Variants in PDS5A observed in about 807,000 individuals in gnomAD.
PDS5A encodes sister chromatid cohesion protein PDS5 homolog A.
In PDS5A, 42 loss-of-function variants were observed where a neutral mutation model predicts 167.1. The observed-to-expected ratio is 0.25, with a 90% confidence interval of 0.20 to 0.33. PDS5A has a LOEUF of 0.33. Ranked by LOEUF, PDS5A falls within the 10% of genes least tolerant of loss-of-function variation. PDS5A has a pLI of 1.00. For missense variants in PDS5A, 1,033 were observed against 1,605.9 expected (o/e 0.64, Z 6.10); for synonymous variants, 553 against 554.6 (o/e 1.00, Z 0.04).
intron 16 of PDS5A, among the ~76,000 whole-genome samples, chr4:39,895,317 A>C (rs1722308482): frequency 6.6e-6 from 1 of 152,216 alleles, no homozygotes; most frequent in Non-Finnish European, 1.5e-5. Context: ...ATGCTACAAA[A>C]TTGTACAGCA....
At chr4:39,858,667 A>G (rs1283447232) in intron 26 of PDS5A, among the ~76,000 whole-genome samples, 1 of 152,188 alleles carries the variant, frequency 6.6e-6, no homozygotes, top group Non-Finnish European at 1.5e-5. Context: ...CTTATTGCCC[A>G]GGCTGGAGTG....
At chr4:39,898,327 TAATAA>T (rs773072485) in intron 16 of PDS5A, 57 bp downstream of exon 16, 1 of 1,468,562 alleles carries the variant, frequency 6.8e-7, no homozygotes, top group African/African-American at 1.4e-5. Flanking sequence ...AAACAGGCTT[TAATAA>T]AATACATATT....
intron 26 of PDS5A, among the ~76,000 whole-genome samples, chr4:39,857,747 A>G (rs1037116541): frequency 2.0e-5 from 3 of 152,210 alleles, no homozygotes; most frequent in African/African-American, 7.2e-5. Context: ...CCCCCAATCT[A>G]TGAAGCAAAA....
At chr4:39,840,553 G>A (rs1265211290) in intron 31 of PDS5A, among the ~76,000 whole-genome samples, 1 of 152,004 alleles carries the variant, frequency 6.6e-6, no homozygotes, top group Non-Finnish European at 1.5e-5. Flanking sequence ...ACACCACCAC[G>A]CCCAGCTAAT....
intron 32 of PDS5A, 111 bp from the exon 33 acceptor site, chr4:39,825,599 TA>T: frequency 2.8e-6 from 2 of 719,946 alleles, no homozygotes; most frequent in Non-Finnish European, 4.2e-6. Flanking sequence ...TTTTTTTTTT[TA>T]AACTTAAGCA....
At chr4:39,866,761 G>T in intron 23 of PDS5A, 100 bp downstream of exon 23, 1 of 976,334 alleles carries the variant, frequency 1.0e-6, no homozygotes, top group Non-Finnish European at 1.5e-6. Flanking sequence ...GAAGATCATG[G>T]TGTAATTACA....
At chr4:39,976,080 A>G in intron 2 of PDS5A, 1 of 160,464 alleles carries the variant, frequency 6.2e-6, no homozygotes, top group East Asian at 1.7e-4. Context: ...GCTTTAATCA[A>G]TCCCCTTCAG....
chr4:39,977,567 C>T lies in PDS5A; in HGVS notation c.-151G>A, dbSNP rs530249591. 16 of 162,166 alleles carry T rather than the reference C, an allele frequency of 9.9e-5. No individual in the cohort carries two copies. Among genetic ancestry groups the T allele is most frequent in the Non-Finnish European group, 1.7e-4 (13 of 76,768 alleles). The allele number at this position is 162,166 out of a possible 1,614,324, so 10.0% of individuals were successfully genotyped here. On this transcript the variant is annotated 5_prime_UTR_variant, in exon 1 of 33. Coordinates refer to ENST00000303538, the MANE Select transcript of PDS5A (RefSeq NM_001100399.2). This position sits in a 1 kb window ranked among gnomAD's most constrained non-coding sequence, Gnocchi z 4.2. ...AAAGCGGCTCCGCGGGTCCCGCCGC[C>T]GCCGCCGCCGCCGCCCGCCCGCCCG...
rs372473001 is a variant in PDS5A, at chr4:39,901,378, C to T, written c.1500-871G>A. Among the ~76,000 whole-genome samples, 10 of 151,136 alleles carry T rather than the reference C, an allele frequency of 6.6e-5. No homozygotes were observed. In the East Asian group the frequency reaches 1.4e-3, roughly 21 times the overall value. On this transcript the variant is annotated intron_variant, in intron 13 of 32. Coordinates refer to ENST00000303538, the MANE Select transcript of PDS5A (RefSeq NM_001100399.2). ...TGCCTCCTGGGTTCAAGCAATTCTC[C>T]GGCCTCAGCCTCCCTAGTAGCTGGG...
chr4:39,862,800 A>G (rs535183675), intron 25 of PDS5A, 69 bp downstream of exon 25: 3 of 911,182 alleles, frequency 3.3e-6, no homozygotes, highest in South Asian at 3.1e-5. Flanking sequence ...ACATGACAAG[A>G]AAAAAAAAAC....
Position 39,841,935 on chromosome 4 carries a change from T to C in PDS5A, c.3657+13A>G. On this transcript the variant is annotated intron_variant, in intron 31 of 32. Transcript: ENST00000303538. The stretch of plus-strand genomic sequence containing the variant: ...CCATGGAAAAAATCCACTTGTTAAA[T>C]TTTAAAATTTACCTTATTCTTTACT... The C allele has an allele frequency of 7.0e-7, 1 of 1,430,088 alleles. No homozygotes were observed. Among genetic ancestry groups the C allele is most frequent in the Non-Finnish European group, 9.8e-7 (1 of 1,015,906 alleles). 88.6% of individuals were successfully genotyped at this position (1,430,088 alleles called of 1,614,324 possible). A position where few individuals can be genotyped will look rare whatever the true frequency, so the allele number is the denominator to read the frequency against.
chr4:39,923,307 AAC>A (rs1381664544), intron 5 of PDS5A, among the ~76,000 whole-genome samples: 1 of 149,370 alleles, frequency 6.7e-6, no homozygotes. Flanking sequence ...CGGCCTGGGC[AAC>A]AGAGTGAGAC....
intron 23 of PDS5A, among the ~76,000 whole-genome samples, chr4:39,865,532 A>G (rs1202418486): frequency 6.6e-6 from 1 of 152,228 alleles, no homozygotes; most frequent in East Asian, 1.9e-4. Flanking sequence ...TAATTTTTAA[A>G]AAAATTAATA....
intron 16 of PDS5A, among the ~76,000 whole-genome samples, chr4:39,893,601 T>G (rs1021805148): frequency 1.3e-5 from 2 of 152,226 alleles, no homozygotes; most frequent in African/African-American, 4.8e-5. Flanking sequence ...TTGCATTATT[T>G]TTCTTTATTC....
intron 7 of PDS5A, among the ~76,000 whole-genome samples, chr4:39,918,015 C>CA (rs1327430557): frequency 6.6e-6 from 1 of 151,684 alleles, no homozygotes; most frequent in Non-Finnish European, 1.5e-5. Context: ...CTTGCCTCTA[C>CA]AAAAAATAAA....
At chr4:39,976,751 G>T in intron 1 of PDS5A, 134 bp from the exon 2 acceptor site, 1 of 479,536 alleles carries the variant, frequency 2.1e-6, no homozygotes. Context: ...CTCGCCACCC[G>T]CTCTTTCCCA....
intron 32 of PDS5A, among the ~76,000 whole-genome samples, chr4:39,829,984 A>T (rs908539952): frequency 8.0e-6 from 1 of 125,412 alleles, no homozygotes; most frequent in African/African-American, 3.0e-5. Flanking sequence ...AAAAAAAAAA[A>T]GAAATTTCCA....
chr4:39,858,009 C>T (rs777009785), intron 26 of PDS5A, among the ~76,000 whole-genome samples: 16 of 151,288 alleles, frequency 1.1e-4, no homozygotes, highest in African/African-American at 2.2e-4. Flanking sequence ...CCAAGGAAGA[C>T]GAAGACCTAT....
intron 15 of PDS5A, 35 bp from the exon 16 acceptor site, chr4:39,898,563 G>T: frequency 2.9e-6 from 3 of 1,028,802 alleles, no homozygotes; most frequent in Non-Finnish European, 2.6e-6. Flanking sequence ...ATTAGAGAAG[G>T]AAAAAAAAAA....
Sources: gnomAD v4.1 joint callset for allele counts (sites outside exome capture counted in the v4.1 genomes callset) on GRCh38, gnomAD v4.1.1 for gene constraint, Gnocchi (gnomAD v3.1) non-coding constraint, MANE v1.5 for transcripts, NCBI Gene and HGNC (gene_info 2026-07-23, HGNC 2026-07-21) for gene names.